Variants in LRP1B observed in about 807,000 individuals in gnomAD.
LRP1B encodes the protein LDL receptor related protein 1B.
A neutral mutation model predicts 556.6 loss-of-function variants in LRP1B; 217 were observed. That is an observed-to-expected ratio of 0.39 (90% CI 0.35 to 0.44). LRP1B has a LOEUF of 0.44. LRP1B is among the 20% of genes least tolerant of loss of function. The pLI is 1.00. For missense variants in LRP1B, 5,053 were observed against 5,620.8 expected (o/e 0.90, Z 3.23); for synonymous variants, 2,047 against 1,865.8 (o/e 1.10, Z -2.50).
chr2:140,976,908 A>G (rs1310953560), intron 18 of LRP1B, among the ~76,000 whole-genome samples: 2 of 152,200 alleles, frequency 1.3e-5, no homozygotes, highest in Non-Finnish European at 2.9e-5. Context: ...AGGTACATTT[A>G]TTAAAACATA....
In LRP1B at chr2:141,315,900, T is replaced by A. The variant is rs917389274; in HGVS notation, c.344-61259A>T. On this transcript the variant is annotated intron_variant, in intron 3 of 90. Transcript: ENST00000389484. ...GTCTGGTCTTTTTTTTTTTTTTTTT[T>A]TTTTTTTTTTTTTTTTTAACATCTC... is the stretch of plus-strand genomic sequence containing the variant. Among the ~76,000 whole-genome samples, 4 of 142,756 alleles carry A rather than the reference T, an allele frequency of 2.8e-5. No individual in the cohort carries two copies. The Admixed American group carries it at 2.8e-4, about 10-fold the overall frequency. The allele number at this position is 142,756 out of a possible 152,430, so 93.7% of individuals were successfully genotyped here.
chr2:141,273,357 C>A (rs1222177106), intron 3 of LRP1B, among the ~76,000 whole-genome samples: 1 of 151,448 alleles, frequency 6.6e-6, no homozygotes, highest in Non-Finnish European at 1.5e-5. Context: ...ATCATCAAGA[C>A]AGGGTGGTAC....
intron 2 of LRP1B, among the ~76,000 whole-genome samples, chr2:141,537,318 A>G (rs953160383): frequency 6.6e-6 from 1 of 152,108 alleles, no homozygotes; most frequent in Non-Finnish European, 1.5e-5. Context: ...AATAAATAAC[A>G]AAACAGCAGG....
intron 3 of LRP1B, among the ~76,000 whole-genome samples, chr2:141,449,071 AT>A (rs1681308421): frequency 6.6e-6 from 1 of 152,208 alleles, no homozygotes; most frequent in Non-Finnish European, 1.5e-5. Context: ...TAACAAAACT[AT>A]GTGAAATCTT....
chr2:141,049,130 T>C lies in LRP1B; in HGVS notation c.1645A>G (p.Met549Val), dbSNP rs750849268. 3.1e-6 allele frequency: 5 copies of C among 1,613,600 alleles called. No homozygotes were observed. In the Admixed American group the frequency reaches 5.0e-5, roughly 16 times the overall value. ...TTTACCAGATTTTCTATGGGGATCA[T>C]GTATTCATCAGCTATCTTGGTATTC... The part of the protein sequence containing the change: ...DLNTKIADEY[M>V]IPIENLVNPR... The change falls in exon 11 of 91, where the codon ATG becomes GTG. Residue 549 changes from methionine to valine, a missense_variant. Coordinates refer to ENST00000389484, the MANE Select transcript of LRP1B (RefSeq NM_018557.3).
intron 1 of LRP1B, among the ~76,000 whole-genome samples, chr2:141,836,875 T>C (rs1697299627): frequency 6.6e-6 from 1 of 152,040 alleles, no homozygotes; most frequent in African/African-American, 2.4e-5. Context: ...TTTCCATATC[T>C]TTAGATCCTA....
At chr2:140,978,400 G>A (rs370798368) in intron 18 of LRP1B, among the ~76,000 whole-genome samples, 2 of 152,096 alleles carry the variant, frequency 1.3e-5, no homozygotes, top group Admixed American at 6.5e-5. Flanking sequence ...AACAGAGATT[G>A]TTCATGAAGC....
At chr2:140,498,226 T>A (rs1689033717) in intron 55 of LRP1B, among the ~76,000 whole-genome samples, 1 of 151,894 alleles carries the variant, frequency 6.6e-6, no homozygotes, top group East Asian at 1.9e-4. Flanking sequence ...TTATTTAGAA[T>A]CTTCTTGAGT....
In LRP1B at chr2:140,818,114, C is replaced by T. The variant is rs149601867; in HGVS notation, c.5210-4308G>A. Reference sequence around the variant, plus strand: ...TAATATTTTAGTAAATTCAACTGGGCCTTTTAAATTTTGCTGGAAAGAGTA... The same window carrying T: ...TAATATTTTAGTAAATTCAACTGGGTCTTTTAAATTTTGCTGGAAAGAGTA... On this transcript the variant is annotated intron_variant, in intron 31 of 90. Transcript: ENST00000389484. Among the ~76,000 whole-genome samples, 84 of 94,932 alleles carry T rather than the reference C, an allele frequency of 8.8e-4. 1 individual carries two copies. The highest frequency in any genetic ancestry group is 2.1e-3 in the African/African-American group (74 of 35,536). 62.3% of individuals were successfully genotyped at this position (94,932 alleles called of 152,430 possible). A position where few individuals can be genotyped will look rare whatever the true frequency, so the allele number is the denominator to read the frequency against.
intron 3 of LRP1B, among the ~76,000 whole-genome samples, chr2:141,286,251 T>A (rs976758660): frequency 2.6e-5 from 4 of 152,138 alleles, no homozygotes; most frequent in African/African-American, 9.7e-5. Context: ...TAGAGTTAAG[T>A]ATATTGTATA....
At chr2:141,513,409 G>A (rs1388113980) in intron 2 of LRP1B, among the ~76,000 whole-genome samples, 1 of 151,896 alleles carries the variant, frequency 6.6e-6, no homozygotes, top group East Asian at 1.9e-4. Flanking sequence ...CTTTAAAAAT[G>A]TATAATATTA....
At chr2:141,582,479 A>G (rs1265662330) in intron 2 of LRP1B, among the ~76,000 whole-genome samples, 1 of 152,202 alleles carries the variant, frequency 6.6e-6, no homozygotes, top group African/African-American at 2.4e-5. Context: ...CTGTAGATTG[A>G]TCGTTGACAC....
intron 29 of LRP1B, among the ~76,000 whole-genome samples, chr2:140,843,842 A>G (rs186695665): frequency 8.5e-5 from 13 of 152,214 alleles, no homozygotes; most frequent in Non-Finnish European, 1.2e-4. Flanking sequence ...CTACTTTCAC[A>G]TATGTGTTTT....
At chr2:141,865,448 C>T (rs1257606585) in intron 1 of LRP1B, among the ~76,000 whole-genome samples, 2 of 150,312 alleles carry the variant, frequency 1.3e-5, no homozygotes. Flanking sequence ...AAAAATTAGC[C>T]GGGCGTAGTG....
At chr2:142,028,939 T>C (rs1276577731) in intron 1 of LRP1B, among the ~76,000 whole-genome samples, 1 of 151,960 alleles carries the variant, frequency 6.6e-6, no homozygotes, top group Non-Finnish European at 1.5e-5. Flanking sequence ...ATTCATATGC[T>C]TATTTTTCTA....
At chr2:140,514,132 C>A (rs563334436) in intron 51 of LRP1B, among the ~76,000 whole-genome samples, 1 of 152,072 alleles carries the variant, frequency 6.6e-6, no homozygotes, top group Non-Finnish European at 1.5e-5. Flanking sequence ...TACCTCTAAT[C>A]TTATAAAGCT....
chr2:140,306,793 T>C (rs56220138), intron 83 of LRP1B, among the ~76,000 whole-genome samples: 50,191 of 151,848 alleles, frequency 0.33, 9,039 homozygotes, highest in Non-Finnish European at 0.42. Context: ...TGTGGGCATT[T>C]AGTGCTATAA....
intron 41 of LRP1B, among the ~76,000 whole-genome samples, chr2:140,608,156 G>A (rs750375556): frequency 3.3e-5 from 5 of 152,020 alleles, no homozygotes; most frequent in African/African-American, 4.8e-5. Flanking sequence ...GTTAGTGAAC[G>A]CATAGAAAAA....
chr2:141,515,977 C>T (rs2381110), intron 2 of LRP1B, among the ~76,000 whole-genome samples: 148,062 of 152,290 alleles, frequency 0.97, 72,105 homozygotes, highest in South Asian at 1. Flanking sequence ...CTTTAAAAAA[C>T]ATATATTGTC....
Sources: gnomAD v4.1 joint callset for allele counts (sites outside exome capture counted in the v4.1 genomes callset) on GRCh38, gnomAD v4.1.1 for gene constraint, MANE v1.5 for transcripts, NCBI Gene and HGNC (gene_info 2026-07-23, HGNC 2026-07-21) for gene names.